The following WSCD2 variants were observed in gnomAD, a reference collection of about 807,000 sequenced individuals.
The protein encoded by WSCD2 is WSC domain sialate O sulfotransferase 2, also known as sialate:O-sulfotransferase 2.
In WSCD2, 28 loss-of-function variants were observed where a neutral mutation model predicts 55.7. The ratio of observed to expected loss-of-function variants is 0.50; its 90% CI spans 0.37 to 0.69. The LOEUF (loss-of-function observed/expected upper bound fraction) is 0.69. Ranked by LOEUF, WSCD2 falls within the 30% of genes least tolerant of loss-of-function variation. The pLI is 0.00. For missense variants in WSCD2, 616 were observed against 762.1 expected, an observed-to-expected ratio of 0.81 and a Z score of 2.26; for synonymous variants, 301 against 301.9, an observed-to-expected ratio of 1.00 and a Z score of 0.03.
intron 2 of WSCD2, among the ~76,000 whole-genome samples, chr12:108,201,870 G>A (rs1271700076): frequency 1.3e-5 from 2 of 152,170 alleles, no homozygotes; most frequent in Non-Finnish European, 2.9e-5. Flanking sequence ...CCACCAGGAG[G>A]GTTCTTTTCA....
chr12:108,221,362 C>T (rs1887494133), intron 4 of WSCD2, among the ~76,000 whole-genome samples: 2 of 152,122 alleles, frequency 1.3e-5, no homozygotes, highest in African/African-American at 2.4e-5. Flanking sequence ...CCAGACCAGC[C>T]TGGCCAACAG....
chr12:108,177,887 G>A (rs888556691), intron 1 of WSCD2, among the ~76,000 whole-genome samples: 1 of 152,142 alleles, frequency 6.6e-6, no homozygotes, highest in Non-Finnish European at 1.5e-5. Flanking sequence ...CCAGGGGAAT[G>A]TTCAGAGTCT....
rs955744222 is a variant in WSCD2 at position 108,153,455 on chromosome 12, G to A, written c.-552+23529G>A. On this transcript the variant is annotated intron_variant, in intron 1 of 8. Coordinates refer to ENST00000547525, the MANE Select transcript of WSCD2 (RefSeq NM_014653.4). ...CTTGGAAGAGTGATGGCACTTGTCTGTGCTGCGTCTGCATTTTCTGCAGTA... is the reference window on the plus strand; with the variant it reads ...CTTGGAAGAGTGATGGCACTTGTCTATGCTGCGTCTGCATTTTCTGCAGTA... Among the ~76,000 whole-genome samples the A allele has an allele frequency of 3.9e-5, 6 of 152,318 alleles. No individual in the cohort carries two copies. The South Asian group carries it at 8.3e-4, about 21-fold the overall frequency.
At chr12:108,246,462 G>T (rs766134212) in intron 8 of WSCD2, among the ~76,000 whole-genome samples, 4 of 152,200 alleles carry the variant, frequency 2.6e-5, no homozygotes, top group Non-Finnish European at 5.9e-5. Context: ...TGATTCTCCA[G>T]CTGGGGCTCA....
At position 108,166,700 on chromosome 12, in the gene WSCD2, TTC is replaced by T. The variant is rs530746668; in HGVS notation, c.-551-28580_-551-28579del. Among the ~76,000 whole-genome samples, 167 of 150,624 alleles carry T rather than the reference TTC, an allele frequency of 1.1e-3. 3 individuals carry two copies. The South Asian group carries it at 0.014, about 12-fold the overall frequency. On this transcript the variant is annotated intron_variant, in intron 1 of 8. Transcript: ENST00000547525. ...CCAGTTTCACTATTTGCTGCATTTT[TTC>T]TTTCTTTCTTTCCCTCCTTCTTTCT...
At chr12:108,141,171 A>G (rs1316006083) in intron 1 of WSCD2, among the ~76,000 whole-genome samples, 1 of 152,166 alleles carries the variant, frequency 6.6e-6, no homozygotes, top group Admixed American at 6.5e-5. Context: ...CTTCCACCTT[A>G]GTCTCCCAAG....
intron 1 of WSCD2, among the ~76,000 whole-genome samples, chr12:108,146,660 G>C (rs991082564): frequency 1.3e-5 from 2 of 152,236 alleles, no homozygotes; most frequent in East Asian, 1.9e-4. Flanking sequence ...AGGTGGGGCA[G>C]CTGAGGCCCA....
intron 1 of WSCD2, among the ~76,000 whole-genome samples, chr12:108,172,330 TGAA>T (rs1194345066): frequency 5.3e-5 from 8 of 152,176 alleles, no homozygotes; most frequent in Non-Finnish European, 1.0e-4. Flanking sequence ...TATTTAAAGA[TGAA>T]GAAACAGGAT....
chr12:108,215,844 T>A (rs1195343430), intron 4 of WSCD2, among the ~76,000 whole-genome samples: 1 of 152,216 alleles, frequency 6.6e-6, no homozygotes, highest in Non-Finnish European at 1.5e-5. Context: ...CAGAGACACT[T>A]GCAGCTGGTT....
Position 108,195,589 on chromosome 12 carries a change from G to C in WSCD2, c.-244G>C, listed in dbSNP as rs1232670744. The stretch of plus-strand genomic sequence containing the variant: ...GTGTTCTGAGCCTCAAAACCCCCTT[G>C]TTGGCCCAAAGAAGCTCACCTTCAG... On this transcript the variant is annotated 5_prime_UTR_variant, in exon 2 of 9. Transcript: ENST00000547525. The C allele has an allele frequency of 7.3e-6, 4 of 546,130 alleles. No individual in the cohort carries two copies. The highest frequency in any genetic ancestry group is 2.9e-5 in the South Asian group (1 of 34,970). 33.8% of individuals were successfully genotyped at this position (546,130 alleles called of 1,614,324 possible).
chr12:108,170,521 T>C (rs558693474), intron 1 of WSCD2, among the ~76,000 whole-genome samples: 2 of 152,324 alleles, frequency 1.3e-5, no homozygotes, highest in East Asian at 1.9e-4. Context: ...TACTAACTTA[T>C]CTAAGTCCCA....
Position 108,240,325 on chromosome 12 carries a change from C to T in WSCD2, c.1145-19C>T. ...TCCCCAGCTCACCAGTCCTGTTCCT[C>T]ACCTCTGGCTGCGGGAAGGGTTTAA... On this transcript the variant is annotated intron_variant, in intron 7 of 8. Transcript: ENST00000547525. The T allele has an allele frequency of 1.2e-6, 2 of 1,613,568 alleles. No homozygotes were observed. Among genetic ancestry groups the T allele is most frequent in the Non-Finnish European group, 1.7e-6 (2 of 1,180,004 alleles).
At chr12:108,201,657 C>T (rs1884696882) in intron 2 of WSCD2, among the ~76,000 whole-genome samples, 1 of 152,076 alleles carries the variant, frequency 6.6e-6, no homozygotes, top group Admixed American at 6.5e-5. Flanking sequence ...GGGATTTGAA[C>T]CCAGATCTGG....
intron 1 of WSCD2, chr12:108,171,524 T>TCA (rs1235614911): frequency 1.3e-5 from 2 of 152,252 alleles, no homozygotes. Flanking sequence ...CAATAATGCT[T>TCA]CACACTTATG....
intron 4 of WSCD2, among the ~76,000 whole-genome samples, chr12:108,212,140 T>C (rs1293854880): frequency 6.6e-6 from 1 of 152,182 alleles, no homozygotes; most frequent in Non-Finnish European, 1.5e-5. Flanking sequence ...AGAGGTAGCA[T>C]GTGAAATCCA....
intron 1 of WSCD2, among the ~76,000 whole-genome samples, chr12:108,161,449 G>T (rs903057583): frequency 6.6e-6 from 1 of 152,124 alleles, no homozygotes; most frequent in Non-Finnish European, 1.5e-5. Context: ...CAGGAGAAAG[G>T]ACATGGGAAC....
chr12:108,175,902 C>A (rs532557791), intron 1 of WSCD2, among the ~76,000 whole-genome samples: 1 of 152,082 alleles, frequency 6.6e-6, no homozygotes, highest in South Asian at 2.1e-4. Flanking sequence ...TGCAGTGGCA[C>A]GATCTTGGCT....
At chr12:108,232,188 C>T (rs1888828674) in intron 6 of WSCD2, among the ~76,000 whole-genome samples, 1 of 152,138 alleles carries the variant, frequency 6.6e-6, no homozygotes, top group African/African-American at 2.4e-5. Flanking sequence ...TGGACTGCAT[C>T]CTATACTCAA....
chr12:108,221,833 G>A (rs1887557380), intron 4 of WSCD2, among the ~76,000 whole-genome samples: 1 of 152,166 alleles, frequency 6.6e-6, no homozygotes, highest in Non-Finnish European at 1.5e-5. Flanking sequence ...ACTGAGGCCT[G>A]GAGGGACCAC....
Sources: gnomAD v4.1 joint callset for allele counts (sites outside exome capture counted in the v4.1 genomes callset) on GRCh38, gnomAD v4.1.1 for gene constraint, MANE v1.5 for transcripts, NCBI Gene and HGNC (gene_info 2026-07-23, HGNC 2026-07-21) for gene names.